SIK3: variants seen among roughly 807,000 people sequenced by gnomAD.
SIK3 encodes serine/threonine-protein kinase SIK3.
A neutral mutation model predicts 144.2 loss-of-function variants in SIK3; 28 were observed. That is an observed-to-expected ratio of 0.19 (90% CI 0.14 to 0.27). The LOEUF is 0.27. Among genes scored for constraint, SIK3 ranks in the 10% least tolerant of loss-of-function variants. The pLI is 1.00. For missense variants in SIK3, 1,319 were observed against 1,776.0 expected, an observed-to-expected ratio of 0.74 and a Z score of 4.62; for synonymous variants, 686 against 676.3, an observed-to-expected ratio of 1.01 and a Z score of -0.22.
intron 14 of SIK3, chr11:116,870,122 G>A (rs1330377329): frequency 1.3e-6 from 2 of 1,523,306 alleles, no homozygotes; most frequent in Admixed American, 4.0e-5. Flanking sequence ...TCACTTAGGG[G>A]ACTTCCAATG....
intron 1 of SIK3, among the ~76,000 whole-genome samples, chr11:116,983,228 A>AC (rs1473512442): frequency 1.5e-4 from 21 of 141,738 alleles, no homozygotes; most frequent in Admixed American, 1.4e-3. Context: ...CTCTGTCTCA[A>AC]AAAAAAAAAA....
rs1055875218 is a variant in SIK3 at position 116,916,029 on chromosome 11, A to G, written c.616+11190T>C. On this transcript the variant is annotated intron_variant, in intron 4 of 24. Transcript: ENST00000445177. ...ACTATTCCATTTAAGAAGGGCGGAA[A>G]GACCTAAGTAATTATTTCATTTATT... Among the ~76,000 whole-genome samples the G allele has an allele frequency of 4.6e-5, 7 of 152,352 alleles. No homozygotes were observed. The East Asian group carries it at 1.3e-3, about 29-fold the overall frequency.
At chr11:116,883,136 G>T (rs1405662985) in intron 6 of SIK3, among the ~76,000 whole-genome samples, 1 of 152,164 alleles carries the variant, frequency 6.6e-6, no homozygotes, top group African/African-American at 2.4e-5. Flanking sequence ...AAGACCAATG[G>T]ATGGCCTGCA....
intron 1 of SIK3, among the ~76,000 whole-genome samples, chr11:116,997,000 CAT>C (rs1336926449): frequency 6.6e-6 from 1 of 152,120 alleles, no homozygotes; most frequent in Non-Finnish European, 1.5e-5. Context: ...ACAACAATAT[CAT>C]AGAGGACCTT....
intron 3 of SIK3, among the ~76,000 whole-genome samples, chr11:116,953,296 AC>A (rs1949018782): frequency 6.6e-6 from 1 of 152,208 alleles, no homozygotes; most frequent in South Asian, 2.1e-4. Flanking sequence ...AGGAAATTAG[AC>A]AAATAAAGTA....
At chr11:117,030,043 G>T (rs1448799826) in intron 1 of SIK3, among the ~76,000 whole-genome samples, 2 of 152,088 alleles carry the variant, frequency 1.3e-5, no homozygotes, top group African/African-American at 4.8e-5. Context: ...GGAAAGCTGA[G>T]AACAGAGTTG....
chr11:116,918,317 G>A (rs935062583), intron 4 of SIK3, among the ~76,000 whole-genome samples: 3 of 152,050 alleles, frequency 2.0e-5, no homozygotes, highest in Admixed American at 6.6e-5. Flanking sequence ...CTTACACTCC[G>A]CTCAACTCCC....
chr11:117,016,443 G>GGAAGGAAT (rs1951545322), intron 1 of SIK3, among the ~76,000 whole-genome samples: 2 of 148,458 alleles, frequency 1.3e-5, no homozygotes, highest in African/African-American at 2.5e-5. Context: ...AAGGAAGGAA[G>GGAAGGAAT]GAATCCCATG....
chr11:117,008,131 A>G (rs1333050385), intron 1 of SIK3, among the ~76,000 whole-genome samples: 1 of 151,658 alleles, frequency 6.6e-6, no homozygotes, highest in Admixed American at 6.6e-5. Context: ...ACATATCAAA[A>G]GTCTAACTGA....
chr11:116,867,893 G>C lies in SIK3; in HGVS notation c.1952+53C>G. The C allele has an allele frequency of 1.4e-6, 2 of 1,453,370 alleles. No homozygotes were observed. The highest frequency in any genetic ancestry group is 1.8e-6 in the Non-Finnish European group (2 of 1,097,734). The allele number at this position is 1,453,370 out of a possible 1,614,324, so 90.0% of individuals were successfully genotyped here. A position where few individuals can be genotyped will look rare whatever the true frequency, so the allele number is the denominator to read the frequency against. On this transcript the variant is annotated intron_variant, in intron 15 of 24. Coordinates refer to ENST00000445177, the MANE Select transcript of SIK3 (RefSeq NM_001366686.3). This position sits in a 1 kb window ranked among gnomAD's most constrained non-coding sequence, Gnocchi z 4.1. ...CCGTCGCTGTGAGACTAATCAGAAG[G>C]GTGCCTGTCCGATGAGCCTCAAGGA...
At chr11:116,950,102 A>C (rs1948865087) in intron 3 of SIK3, 1 of 470,750 alleles carries the variant, frequency 2.1e-6, no homozygotes. Flanking sequence ...CCAAGGCAAG[A>C]GTGATCTGGG....
intron 6 of SIK3, among the ~76,000 whole-genome samples, chr11:116,892,707 G>A (rs750283006): frequency 6.6e-6 from 1 of 152,192 alleles, no homozygotes; most frequent in Non-Finnish European, 1.5e-5. Flanking sequence ...TCCAGGAATT[G>A]TGCTCCTTAG....
chr11:117,080,192 T>G (rs989624888), intron 1 of SIK3, among the ~76,000 whole-genome samples: 3 of 152,134 alleles, frequency 2.0e-5, no homozygotes, highest in Admixed American at 2.0e-4. Flanking sequence ...AATAATAAAA[T>G]GACATTTTTT....
chr11:116,910,314 AAAG>A (rs1271292712), intron 4 of SIK3, among the ~76,000 whole-genome samples: 5 of 152,292 alleles, frequency 3.3e-5, no homozygotes, highest in East Asian at 1.9e-4. Flanking sequence ...CATAGCCAGA[AAAG>A]AAGAAAAAAA....
intron 1 of SIK3, among the ~76,000 whole-genome samples, chr11:117,075,840 CTT>C (rs1037271983): frequency 1.1e-3 from 43 of 40,914 alleles, no homozygotes; most frequent in African/African-American, 5.3e-3. Context: ...CCAAGCCTGG[CTT>C]TTTTTTTTTT....
chr11:117,027,591 T>A (rs1952070438), intron 1 of SIK3, among the ~76,000 whole-genome samples: 1 of 151,952 alleles, frequency 6.6e-6, no homozygotes, highest in Admixed American at 6.6e-5. Context: ...GCCTCCCGAG[T>A]AGCTGGGATT....
chr11:117,071,509 G>A (rs1460185013), intron 1 of SIK3, among the ~76,000 whole-genome samples: 1 of 151,974 alleles, frequency 6.6e-6, no homozygotes, highest in African/African-American at 2.4e-5. Context: ...CCCAATGTCT[G>A]GCACAGTGCC....
At chr11:116,966,650 C>A (rs1949558638) in intron 1 of SIK3, among the ~76,000 whole-genome samples, 1 of 151,432 alleles carries the variant, frequency 6.6e-6, no homozygotes, top group Admixed American at 6.6e-5. Flanking sequence ...GTTCAACCTA[C>A]AACTTATAGA....
chr11:116,944,435 T>C (rs1301376904), intron 3 of SIK3, among the ~76,000 whole-genome samples: 1 of 150,214 alleles, frequency 6.7e-6, no homozygotes, highest in Non-Finnish European at 1.5e-5. Context: ...CGAGCATCAG[T>C]TGACCGAGAC....
Sources: gnomAD v4.1 joint callset for allele counts (sites outside exome capture counted in the v4.1 genomes callset) on GRCh38, gnomAD v4.1.1 for gene constraint, Gnocchi (gnomAD v3.1) non-coding constraint, MANE v1.5 for transcripts, NCBI Gene and HGNC (gene_info 2026-07-23, HGNC 2026-07-21) for gene names.